IMPG2: variants seen among roughly 807,000 people sequenced by gnomAD.
IMPG2 encodes the protein IPM 200.
IMPG2 carries 91 observed loss-of-function variants against 129.2 expected under a neutral mutation model. That is an observed-to-expected ratio of 0.70 (90% CI 0.59 to 0.84). IMPG2 has a LOEUF of 0.84. Among genes scored for constraint, IMPG2 ranks in the 40% least tolerant of loss-of-function variants. IMPG2 has a pLI of 0.00. For missense variants in IMPG2, 1,430 were observed against 1,461.7 expected (o/e 0.98, Z 0.35); for synonymous variants, 510 against 517.7 (o/e 0.99, Z 0.20).
In IMPG2 at chr3:101,226,846, A is replaced by C. The variant is rs1008470486; in HGVS notation, c.*123T>G. Reference sequence around the variant, plus strand: ...AAAAAAAACAGTGTGCCCTATATTTAATTTTTTCATAGAAAACTCTTCTTC... The same window carrying C: ...AAAAAAAACAGTGTGCCCTATATTTCATTTTTTCATAGAAAACTCTTCTTC... On this transcript the variant is annotated 3_prime_UTR_variant, in exon 19 of 19. Transcript: ENST00000193391. 1 of 1,021,302 alleles carries C rather than the reference A, an allele frequency of 9.8e-7. No individual in the cohort carries two copies. The highest frequency in any genetic ancestry group is 1.5e-6 in the Non-Finnish European group (1 of 667,666). The allele number at this position is 1,021,302 out of a possible 1,614,324, so 63.3% of individuals were successfully genotyped here. A position where few individuals can be genotyped will look rare whatever the true frequency, so the allele number is the denominator to read the frequency against.
intron 9 of IMPG2, among the ~76,000 whole-genome samples, chr3:101,266,989 C>A (rs1706727518): frequency 6.6e-6 from 1 of 152,088 alleles, no homozygotes; most frequent in Admixed American, 6.5e-5. Context: ...CAATGGAATA[C>A]TATTCAGCCA....
At chr3:101,271,729 T>G (rs546748675) in intron 7 of IMPG2, among the ~76,000 whole-genome samples, 3 of 152,256 alleles carry the variant, frequency 2.0e-5, no homozygotes, top group African/African-American at 7.2e-5. Context: ...CTGGGAAAAC[T>G]AAGGTTCACT....
At chr3:101,252,817 C>T (rs1354537187) in intron 11 of IMPG2, among the ~76,000 whole-genome samples, 1 of 152,078 alleles carries the variant, frequency 6.6e-6, no homozygotes, top group African/African-American at 2.4e-5. Flanking sequence ...TCTGAATTTC[C>T]ATCGCTCCAT....
Position 101,244,365 on chromosome 3 carries a change from C to A in IMPG2, c.1966G>T (p.Asp656Tyr), listed in dbSNP as rs991320406. 6.2e-7 allele frequency: 1 copy of A among 1,614,096 alleles called. No homozygotes were observed. The change falls in exon 13 of 19, where the codon GAT (aspartate) becomes TAT (tyrosine). Residue 656 changes from aspartate (D) to tyrosine (Y), a missense_variant. By Grantham distance (160) the Asp-to-Tyr change is radical. Transcript: ENST00000193391. ...DKKLVLVDKM[D>Y]STDQISKHSK... ...TGCTTACTAATTTGGTCTGTGGAAT[C>A]CATTTTGTCAACTAAAACTAGTTTC...
chr3:101,277,850 CAT>C (rs1706854216), intron 4 of IMPG2, among the ~76,000 whole-genome samples: 1 of 152,228 alleles, frequency 6.6e-6, no homozygotes, highest in Non-Finnish European at 1.5e-5. Context: ...AGTTTGTACA[CAT>C]GTCCTAAGAG....
At chr3:101,303,582 C>T (rs1245787517) in intron 3 of IMPG2, among the ~76,000 whole-genome samples, 6 of 152,162 alleles carry the variant, frequency 3.9e-5, no homozygotes, top group South Asian at 2.1e-4. Flanking sequence ...ATGTGCTACA[C>T]GAAAAGGGAA....
chr3:101,247,330 G>A (rs1044390011), intron 11 of IMPG2, among the ~76,000 whole-genome samples: 1 of 152,192 alleles, frequency 6.6e-6, no homozygotes, highest in African/African-American at 2.4e-5. Flanking sequence ...GGGAGTGGTG[G>A]CTCACGCCTG....
chr3:101,312,334 CAAAT>C (rs1357155379), intron 2 of IMPG2, among the ~76,000 whole-genome samples: 3 of 151,674 alleles, frequency 2.0e-5, no homozygotes, highest in Admixed American at 6.6e-5. Flanking sequence ...AATAAAAAGA[CAAAT>C]AACATAATTT....
intron 2 of IMPG2, among the ~76,000 whole-genome samples, chr3:101,308,107 G>A (rs546454891): frequency 3.9e-4 from 60 of 152,358 alleles, no homozygotes; most frequent in Middle Eastern, 3.4e-3. Flanking sequence ...CCACTGCTGT[G>A]GCTTTGCAGG....
rs375962448 is a variant in IMPG2 at position 101,229,451 on chromosome 3, C to T, written c.3562G>A (p.Gly1188Arg). The change falls in exon 17 of 19, where the codon GGA becomes AGA. Residue 1188 changes from glycine (G) to arginine (R), a missense_variant. Coordinates refer to ENST00000193391, the MANE Select transcript of IMPG2 (RefSeq NM_016247.4). ...PQHPFYSSAS[G>R]DVIGGLSREE... ...CTGCTCAGCCCACCAATCACGTCTC[C>T]GCTAGCAGAGCTGTAGAAGGGATGC... 17 of 1,612,982 alleles carry T rather than the reference C, an allele frequency of 1.1e-5. No homozygotes were observed. Among genetic ancestry groups the T allele is most frequent in the South Asian group, 3.3e-5 (3 of 91,032 alleles).
chr3:101,229,138 C>CAAAAAAAAAA (rs36091939), intron 17 of IMPG2, among the ~76,000 whole-genome samples: 1 of 132,940 alleles, frequency 7.5e-6, no homozygotes, highest in African/African-American at 2.7e-5. Flanking sequence ...GTTAATAACG[C>CAAAAAAAAAA]AAAAAAAAAA....
chr3:101,251,222 T>C (rs1412599675), intron 11 of IMPG2, among the ~76,000 whole-genome samples: 4 of 152,218 alleles, frequency 2.6e-5, no homozygotes, highest in Non-Finnish European at 5.9e-5. Flanking sequence ...AGCAGTAATA[T>C]ACCATTTCAG....
At chr3:101,291,438 T>C (rs1707008182) in intron 4 of IMPG2, 41 bp downstream of exon 4, 1 of 1,563,014 alleles carries the variant, frequency 6.4e-7, no homozygotes, top group Non-Finnish European at 8.8e-7. Flanking sequence ...ATGACACATC[T>C]GTGTTGCCAA....
intron 2 of IMPG2, among the ~76,000 whole-genome samples, chr3:101,311,131 C>T (rs1377128346): frequency 3.4e-5 from 5 of 147,966 alleles, no homozygotes; most frequent in African/African-American, 1.0e-4. Context: ...CCTAGGGGCA[C>T]ATGACTAATG....
chr3:101,273,892 G>A, intron 6 of IMPG2, 150 bp from the exon 7 acceptor site: 1 of 819,974 alleles, frequency 1.2e-6, no homozygotes, highest in South Asian at 1.6e-5. Flanking sequence ...AACAAATTGG[G>A]TAGACTTTAA....
At chr3:101,235,211 A>G (rs1411649691) in intron 14 of IMPG2, among the ~76,000 whole-genome samples, 1 of 152,212 alleles carries the variant, frequency 6.6e-6, no homozygotes, top group Admixed American at 6.5e-5. Flanking sequence ...GAAAAACTGT[A>G]TCACTCCGAA....
intron 2 of IMPG2, among the ~76,000 whole-genome samples, chr3:101,306,627 T>A (rs1178014797): frequency 2.0e-5 from 3 of 152,140 alleles, no homozygotes; most frequent in African/African-American, 4.8e-5. Context: ...GTCTATAATG[T>A]CTGGTAATGA....
At chr3:101,313,605 T>A (rs2058767939) in intron 2 of IMPG2, among the ~76,000 whole-genome samples, 1 of 152,108 alleles carries the variant, frequency 6.6e-6, no homozygotes, top group Non-Finnish European at 1.5e-5. Context: ...CTGTCTTTAA[T>A]CCTTCTACTA....
At chr3:101,317,509 T>C (rs1303256980) in intron 2 of IMPG2, among the ~76,000 whole-genome samples, 3 of 152,162 alleles carry the variant, frequency 2.0e-5, no homozygotes, top group Admixed American at 6.6e-5. Context: ...ACTCCCTCCC[T>C]CTAAATTGCA....
Sources: gnomAD v4.1 joint callset for allele counts (sites outside exome capture counted in the v4.1 genomes callset) on GRCh38, gnomAD v4.1.1 for gene constraint, MANE v1.5 for transcripts, NCBI Gene and HGNC (gene_info 2026-07-23, HGNC 2026-07-21) for gene names.